The following USP46 variants were observed in gnomAD, a reference collection of about 807,000 sequenced individuals.
The protein encoded by USP46 is ubiquitin specific peptidase 46.
USP46 carries 12 observed loss-of-function variants against 44.4 expected under a neutral mutation model. That is an observed-to-expected ratio of 0.27 (90% CI 0.17 to 0.44). USP46 has a LOEUF of 0.44. Among genes scored for constraint, USP46 ranks in the 20% least tolerant of loss-of-function variants. The pLI is 1.00. For missense variants in USP46, 248 were observed against 444.8 expected (o/e 0.56, Z 3.98); for synonymous variants, 155 against 161.5 (o/e 0.96, Z 0.31).
At chr4:52,641,657 TA>T (rs1718345817) in intron 1 of USP46, among the ~76,000 whole-genome samples, 1 of 151,982 alleles carries the variant, frequency 6.6e-6, no homozygotes, top group Non-Finnish European at 1.5e-5. Context: ...TGGAAGAGCC[TA>T]AAACAAAAAC....
rs1560406153 is a variant in USP46 at position 52,632,984 on chromosome 4, GAAAAGAAAAGAAAGAAAGAAA to G, written c.37-1861_37-1841del. On this transcript the variant is annotated intron_variant, in intron 1 of 8. Coordinates refer to ENST00000441222, the MANE Select transcript of USP46 (RefSeq NM_022832.4). ...AGAAAGAAAGAAAGAAAGAAAGAAA[GAAAAGAAAAGAAAGAAAGAAA>G]GAAAGAAAGAAAGAAAGAAAGAAAA... 2.6e-3 allele frequency among the ~76,000 whole-genome samples: 139 copies of G among 52,618 alleles called. 1 individual carries two copies. Among genetic ancestry groups the G allele is most frequent in the African/African-American group, 8.1e-3 (134 of 16,560 alleles). The allele number at this position is 52,618 out of a possible 152,430, so 34.5% of individuals were successfully genotyped here.
intron 4 of USP46, among the ~76,000 whole-genome samples, chr4:52,620,209 AAACAACAAC>A (rs374249286): frequency 6.6e-6 from 1 of 152,088 alleles, no homozygotes; most frequent in African/African-American, 2.4e-5. Flanking sequence ...TTTCATAGAA[AAACAACAAC>A]AACAACAACA....
chr4:52,652,182 C>A (rs994702948), intron 1 of USP46, among the ~76,000 whole-genome samples: 2 of 152,144 alleles, frequency 1.3e-5, no homozygotes, highest in African/African-American at 4.8e-5. Context: ...AAATTTTAAA[C>A]CACAAAGGCA....
chr4:52,633,981 TTCC>T (rs1454792458), intron 1 of USP46, among the ~76,000 whole-genome samples: 1 of 152,186 alleles, frequency 6.6e-6, no homozygotes, highest in Non-Finnish European at 1.5e-5. Context: ...AGGCCAACAC[TTCC>T]TCAACACCCC....
chr4:52,657,170 G>A (rs1484096827), intron 1 of USP46, among the ~76,000 whole-genome samples: 1 of 151,862 alleles, frequency 6.6e-6, no homozygotes, highest in African/African-American at 2.4e-5. Context: ...ATGAATTACT[G>A]GTTCCTCACT....
intron 4 of USP46, among the ~76,000 whole-genome samples, chr4:52,611,901 T>G (rs1383899994): frequency 5.9e-5 from 9 of 151,762 alleles, no homozygotes; most frequent in Admixed American, 5.3e-4. Flanking sequence ...AAAAAAAAAG[T>G]ACACACAGGA....
intron 1 of USP46, among the ~76,000 whole-genome samples, chr4:52,637,935 C>T (rs1334412000): frequency 1.3e-5 from 2 of 152,100 alleles, no homozygotes; most frequent in Non-Finnish European, 2.9e-5. Context: ...ACGCCTGTGT[C>T]CCAGCATCCT....
intron 1 of USP46, among the ~76,000 whole-genome samples, chr4:52,635,512 C>T (rs967656121): frequency 1.3e-5 from 2 of 152,146 alleles, no homozygotes; most frequent in Admixed American, 6.5e-5. Flanking sequence ...CTCAAAACCT[C>T]GCCATCCCCT....
At chr4:52,631,677 G>A (rs1717832326) in intron 1 of USP46, among the ~76,000 whole-genome samples, 1 of 152,162 alleles carries the variant, frequency 6.6e-6, no homozygotes, top group Non-Finnish European at 1.5e-5. Context: ...AAGACAGACT[G>A]AAAGGAAAAG....
At chr4:52,652,360 T>A (rs1417489967) in intron 1 of USP46, among the ~76,000 whole-genome samples, 1 of 152,182 alleles carries the variant, frequency 6.6e-6, no homozygotes, top group Non-Finnish European at 1.5e-5. Flanking sequence ...ATCAAATTCC[T>A]TTGACCCAGC....
chr4:52,602,362 A>C (rs941294148), intron 6 of USP46, among the ~76,000 whole-genome samples: 12 of 152,190 alleles, frequency 7.9e-5, no homozygotes, highest in Non-Finnish European at 1.5e-4. Flanking sequence ...TGCCTTCCAG[A>C]GAGAAATGAT....
At chr4:52,620,588 T>C (rs539532151) in intron 4 of USP46, among the ~76,000 whole-genome samples, 87 of 152,274 alleles carry the variant, frequency 5.7e-4, no homozygotes, top group South Asian at 3.3e-3. Context: ...AAGAATACTG[T>C]ACAAAGCCAC....
In USP46 at chr4:52,632,973, AAAGAAAGAAAGAAAAGAAAAGAAAGAAAG is replaced by A. The variant is rs1717934533; in HGVS notation, c.37-1858_37-1830del. Among the ~76,000 whole-genome samples, 11 of 83,970 alleles carry A rather than the reference AAAGAAAGAAAGAAAAGAAAAGAAAGAAAG, an allele frequency of 1.3e-4. 1 individual carries two copies. The highest frequency in any genetic ancestry group is 4.6e-4 in the African/African-American group (8 of 17,398). 55.1% of individuals were successfully genotyped at this position (83,970 alleles called of 152,430 possible). A position where few individuals can be genotyped will look rare whatever the true frequency, so the allele number is the denominator to read the frequency against. On this transcript the variant is annotated intron_variant, in intron 1 of 8. Transcript: ENST00000441222. ...GAAAGAAAGAAAGAAAGAAAGAAAG[AAAGAAAGAAAGAAAAGAAAAGAAAGAAAG>A]AAAGAAAGAAAGAAAGAAAGAAAGA... is the stretch of plus-strand genomic sequence containing the variant.
At chr4:52,623,911 T>C (rs1000163490) in intron 4 of USP46, among the ~76,000 whole-genome samples, 6 of 151,938 alleles carry the variant, frequency 3.9e-5, no homozygotes, top group Admixed American at 3.9e-4. Context: ...CAGAGCGAGA[T>C]TCTGTTTCAA....
intron 1 of USP46, among the ~76,000 whole-genome samples, chr4:52,643,947 C>T (rs963399241): frequency 1.3e-5 from 2 of 152,164 alleles, no homozygotes; most frequent in East Asian, 3.9e-4. Flanking sequence ...TCTTTAGCTA[C>T]AGATGTAAGG....
chr4:52,650,472 G>A (rs1367359441), intron 1 of USP46, among the ~76,000 whole-genome samples: 2 of 152,220 alleles, frequency 1.3e-5, no homozygotes, highest in African/African-American at 2.4e-5. Flanking sequence ...TTTGCTCTGG[G>A]AGGAAGAGAA....
intron 5 of USP46, among the ~76,000 whole-genome samples, chr4:52,607,037 C>G (rs1287872400): frequency 6.6e-6 from 1 of 152,162 alleles, no homozygotes; most frequent in Non-Finnish European, 1.5e-5. Flanking sequence ...CCAATGTCTA[C>G]TGCAGAGAAG....
At chr4:52,651,655 G>A (rs143968239) in intron 1 of USP46, among the ~76,000 whole-genome samples, 50 of 152,252 alleles carry the variant, frequency 3.3e-4, no homozygotes, top group African/African-American at 1.2e-3. Flanking sequence ...GATGACCATC[G>A]TTTCACAATG....
At chr4:52,600,665 G>A (rs755585549) in intron 7 of USP46, among the ~76,000 whole-genome samples, 207 of 151,742 alleles carry the variant, frequency 1.4e-3, no homozygotes, top group Middle Eastern at 3.4e-3. Context: ...TGTGTACCCT[G>A]TGCAAGGGGC....
Sources: allele counts gnomAD v4.1 joint callset (sites outside exome capture counted in the v4.1 genomes callset), GRCh38; gene constraint gnomAD v4.1.1; transcripts MANE v1.5; gene names NCBI Gene and HGNC (gene_info 2026-07-23, HGNC 2026-07-21).